The following ZNF892 variants were observed in gnomAD, a reference collection of about 807,000 sequenced individuals.
ZNF892 encodes zinc finger protein 892.
the ZNF892 span, chr2:95,215,420 G>T: frequency 2.3e-6 from 1 of 439,258 alleles, no homozygotes. Flanking sequence ...CTCTTACAAA[G>T]CATCAGAAAA....
chr2:95,215,634 T>C, the ZNF892 span: 1 of 398,852 alleles, frequency 2.5e-6, no homozygotes, highest in African/African-American at 2.1e-5. Flanking sequence ...ATTCAGAGCA[T>C]AGTTATTGAG....
At chr2:95,261,223 TG>T in the ZNF892 span, among the ~76,000 whole-genome samples, 21 of 152,054 alleles carry the variant, frequency 1.4e-4, no homozygotes, top group African/African-American at 4.8e-4. Flanking sequence ...AGGAACGTGA[TG>T]ACTGACATTC....
At chr2:95,239,144 GAAA>G in the ZNF892 span, among the ~76,000 whole-genome samples, 2 of 126,068 alleles carry the variant, frequency 1.6e-5, no homozygotes, top group Non-Finnish European at 1.6e-5. Context: ...CGTCTCAAAG[GAAA>G]AAAAAAAAAA....
chr2:95,217,063 C>T, the ZNF892 span, among the ~76,000 whole-genome samples: 2 of 152,204 alleles, frequency 1.3e-5, no homozygotes, highest in East Asian at 3.8e-4. Context: ...CCTGCTGACT[C>T]TGCTTCTAGT....
the ZNF892 span, among the ~76,000 whole-genome samples, chr2:95,217,002 A>T: frequency 6.6e-6 from 1 of 152,172 alleles, no homozygotes; most frequent in Non-Finnish European, 1.5e-5. Context: ...TGGCTCAAAA[A>T]AATATGTATT....
the ZNF892 span, among the ~76,000 whole-genome samples, chr2:95,207,028 C>T: frequency 6.6e-6 from 1 of 152,186 alleles, no homozygotes; most frequent in African/African-American, 2.4e-5. Flanking sequence ...GAGACGTGGC[C>T]GTTTTTGGGG....
At chr2:95,255,431 G>A in the ZNF892 span, among the ~76,000 whole-genome samples, 1 of 152,208 alleles carries the variant, frequency 6.6e-6, no homozygotes, top group Non-Finnish European at 1.5e-5. Flanking sequence ...TGATTGCACT[G>A]TGGTCTGAGA....
At chr2:95,240,713 A>G in the ZNF892 span, among the ~76,000 whole-genome samples, 1 of 152,202 alleles carries the variant, frequency 6.6e-6, no homozygotes, top group African/African-American at 2.4e-5. Context: ...ACTGGTTTGG[A>G]ATTCCAGCCA....
At chr2:95,242,324 T>C in the ZNF892 span, among the ~76,000 whole-genome samples, 1 of 152,168 alleles carries the variant, frequency 6.6e-6, no homozygotes, top group Non-Finnish European at 1.5e-5. Context: ...CCAGAAGCAA[T>C]TGGGGACCAA....
chr2:95,233,716 C>G, the ZNF892 span, among the ~76,000 whole-genome samples: 1 of 148,922 alleles, frequency 6.7e-6, no homozygotes, highest in Non-Finnish European at 1.5e-5. Flanking sequence ...CTATGTTGCC[C>G]AAACTGCTGT....
At chr2:95,218,098 CATTTAT>C in the ZNF892 span, among the ~76,000 whole-genome samples, 1 of 152,172 alleles carries the variant, frequency 6.6e-6, no homozygotes, top group Non-Finnish European at 1.5e-5. Context: ...GTTATAATCC[CATTTAT>C]ATTCCTGGCT....
the ZNF892 span, among the ~76,000 whole-genome samples, chr2:95,250,995 A>G: frequency 6.7e-6 from 1 of 149,218 alleles, no homozygotes; most frequent in Non-Finnish European, 1.5e-5. Context: ...ATGCTTATAT[A>G]AATATTACAT....
At chr2:95,235,385 C>CA in the ZNF892 span, among the ~76,000 whole-genome samples, 2 of 136,370 alleles carry the variant, frequency 1.5e-5, no homozygotes, top group Admixed American at 7.9e-5. Context: ...TTTTTTGAGT[C>CA]AGAGTCTAGC....
chr2:95,261,720 G>A, the ZNF892 span, among the ~76,000 whole-genome samples: 5 of 152,214 alleles, frequency 3.3e-5, no homozygotes, highest in Non-Finnish European at 5.9e-5. Flanking sequence ...TGAGGTCTTC[G>A]ATAGAGGAAG....
At chr2:95,235,608 A>G in the ZNF892 span, among the ~76,000 whole-genome samples, 3 of 151,926 alleles carry the variant, frequency 2.0e-5, no homozygotes, top group East Asian at 1.9e-4. Flanking sequence ...TGATCCGCCC[A>G]CCTCGGCCTC....
chr2:95,254,146 T>C, the ZNF892 span, among the ~76,000 whole-genome samples: 2 of 152,288 alleles, frequency 1.3e-5, no homozygotes, highest in African/African-American at 4.8e-5. Context: ...AAAGGGCATC[T>C]CTGTCTTGTG....
At chr2:95,221,909 C>A in the ZNF892 span, among the ~76,000 whole-genome samples, 1 of 151,976 alleles carries the variant, frequency 6.6e-6, no homozygotes, top group African/African-American at 2.4e-5. Flanking sequence ...TATAATAGTT[C>A]CTTCTTCTCC....
At chr2:95,245,462 G>GT in the ZNF892 span, among the ~76,000 whole-genome samples, 1 of 126,938 alleles carries the variant, frequency 7.9e-6, no homozygotes, top group Non-Finnish European at 1.7e-5. Context: ...GGGGGGGGGG[G>GT]GTTTCACCAT....
At chr2:95,230,369 TATAA>T in the ZNF892 span, among the ~76,000 whole-genome samples, 3 of 152,178 alleles carry the variant, frequency 2.0e-5, no homozygotes, top group Non-Finnish European at 2.9e-5. Context: ...AAATTTGAAA[TATAA>T]ATAAATAAAA....
Sources: allele counts gnomAD v4.1 joint callset (sites outside exome capture counted in the v4.1 genomes callset), GRCh38; gene constraint gnomAD v4.1.1; transcripts MANE v1.5; gene names NCBI Gene and HGNC (gene_info 2026-07-23, HGNC 2026-07-21).